Variants in KIF1C observed in about 807,000 individuals in gnomAD.
The protein encoded by KIF1C is kinesin family member 1C.
In KIF1C, 61 loss-of-function variants were observed where a neutral mutation model predicts 126.5. The ratio of observed to expected loss-of-function variants is 0.48; its 90% CI spans 0.39 to 0.60. The LOEUF (loss-of-function observed/expected upper bound fraction) is 0.60. Among genes scored for constraint, KIF1C ranks in the 20% least tolerant of loss-of-function variants. The pLI is 0.00. For synonymous variants in KIF1C, 640 were observed against 580.6 expected, an observed-to-expected ratio of 1.10 and a Z score of -1.47; for missense variants, 1,315 against 1,489.2, an observed-to-expected ratio of 0.88 and a Z score of 1.93.
rs58961639 is a variant in KIF1C, at chr17:5,015,582, C to CTTTTTTTT, written c.1666+764_1666+771dup. 4.4e-4 allele frequency among the ~76,000 whole-genome samples: 31 copies of CTTTTTTTT among 71,248 alleles called. 2 individuals are homozygous for CTTTTTTTT. Among genetic ancestry groups the CTTTTTTTT allele is most frequent in the East Asian group, 9.2e-4 (2 of 2,182 alleles). The allele number at this position is 71,248 out of a possible 152,430, so 46.7% of individuals were successfully genotyped here. Reference sequence around the variant, plus strand: ...TACAGGCGTGAGCCACTGCCCCCAGCTTTTTTTTTTTTTTTTTTTTTTTTT... The same window carrying CTTTTTTTT: ...TACAGGCGTGAGCCACTGCCCCCAGCTTTTTTTTTTTTTTTTTTTTTTTTTTTTTTTTT... On this transcript the variant is annotated intron_variant, in intron 18 of 22. Transcript: ENST00000320785.
At chr17:5,007,188 C>T (rs1003033585) in intron 14 of KIF1C, 75 bp from the exon 15 acceptor site, 42 of 1,569,932 alleles carry the variant, frequency 2.7e-5, no homozygotes, top group Non-Finnish European at 3.6e-5. Context: ...GTAGCATGGC[C>T]CCAGGGTAGG....
chr17:5,003,580 C>T (rs759249873), intron 8 of KIF1C, 32 bp from the exon 9 acceptor site: 2 of 1,548,258 alleles, frequency 1.3e-6, no homozygotes, highest in Non-Finnish European at 1.8e-6. Context: ...CCCACCCGCA[C>T]CTTATCTCCT....
In KIF1C at chr17:5,003,990, T is replaced by TC; in HGVS notation, c.865-3dup. On this transcript the variant is annotated splice_polypyrimidine_tract_variant and splice_region_variant and intron_variant, in intron 10 of 22. Transcript: ENST00000320785. ...CACCCTAACCTCCTTCCTCCTTTTA[T>TC]CCCCCAGCAATCAAAGAAGCGAAAG... 6.2e-7 allele frequency: 1 copy of TC among 1,613,612 alleles called. No individual in the cohort carries two copies. Among genetic ancestry groups the TC allele is most frequent in the South Asian group, 1.1e-5 (1 of 91,070 alleles).
chr17:5,012,079 T>A (rs1402219293), intron 16 of KIF1C: 3 of 152,188 alleles, frequency 2.0e-5, no homozygotes, highest in Non-Finnish European at 4.4e-5. Flanking sequence ...CAGAAACTCC[T>A]CCATGAGGCA....
At chr17:5,003,385 G>A (rs1196983468) in intron 8 of KIF1C, among the ~76,000 whole-genome samples, 1 of 152,132 alleles carries the variant, frequency 6.6e-6, no homozygotes, top group Non-Finnish European at 1.5e-5. Context: ...GATCCCCTGT[G>A]TGTCCCTTGT....
intron 16 of KIF1C, among the ~76,000 whole-genome samples, chr17:5,010,472 G>A (rs901287705): frequency 1.3e-5 from 2 of 152,036 alleles, no homozygotes; most frequent in African/African-American, 2.4e-5. Context: ...ATCTAGGCCG[G>A]GTGCGGTGGC....
chr17:5,019,216 T>G (rs1485625551), intron 18 of KIF1C: 1 of 167,676 alleles, frequency 6.0e-6, no homozygotes, highest in Non-Finnish European at 1.5e-5. Context: ...AACACATGTT[T>G]GCATGTTATT....
chr17:5,023,601 G>C lies in KIF1C; in HGVS notation c.2762G>C (p.Trp921Ser). ...CCCCCCTCGCCACCACTGTCAAGCTGGGAGCGGGTGTCACGGCTCATGGAG... is the reference window on the plus strand; with the variant it reads ...CCCCCCTCGCCACCACTGTCAAGCTCGGAGCGGGTGTCACGGCTCATGGAG... ...ARPPSPPLSS[W>S]ERVSRLMEED... Residue 921 changes from tryptophan to serine, a missense_variant, in exon 23 of 23, where the codon TGG becomes TCG. Transcript: ENST00000320785. The surrounding 1 kb of genome is among the most constrained non-coding windows in gnomAD (Gnocchi z 4.2). 1 of 1,613,724 alleles carries C rather than the reference G, an allele frequency of 6.2e-7. No individual in the cohort carries two copies. The highest frequency in any genetic ancestry group is 8.5e-7 in the Non-Finnish European group (1 of 1,179,926).
chr17:5,014,893 C>A, intron 18 of KIF1C, 56 bp downstream of exon 18: 2 of 1,395,354 alleles, frequency 1.4e-6, no homozygotes, highest in Non-Finnish European at 9.9e-7. Flanking sequence ...CATGTTCCAC[C>A]CCACACACTG....
chr17:5,001,594 G>A (rs1343791845), intron 5 of KIF1C, among the ~76,000 whole-genome samples, 193 bp downstream of exon 5: 1 of 151,812 alleles, frequency 6.6e-6, no homozygotes, highest in African/African-American at 2.4e-5. Flanking sequence ...CAGAGGCAAC[G>A]AGCCTCAGTG....
intron 5 of KIF1C, 109 bp downstream of exon 5, chr17:5,001,510 G>C: frequency 8.9e-7 from 1 of 1,118,426 alleles, no homozygotes; most frequent in South Asian, 1.5e-5. Flanking sequence ...TGGCTCTGAG[G>C]CCATTGGTGA....
At chr17:5,021,222 G>C (rs905286202) in intron 21 of KIF1C, among the ~76,000 whole-genome samples, 14 of 139,686 alleles carry the variant, frequency 1.0e-4, no homozygotes, top group African/African-American at 2.9e-4. Context: ...ACCCAGGCTG[G>C]AACGCAGTGG....
At position 4,998,071 on chromosome 17, in the gene KIF1C, C is replaced by G. The variant is rs1164430349; in HGVS notation, c.-234C>G. 1 of 151,424 alleles carries G rather than the reference C, an allele frequency of 6.6e-6. No individual in the cohort carries two copies. The highest frequency in any genetic ancestry group is 6.6e-5 in the Admixed American group (1 of 15,238). The allele number at this position is 151,424 out of a possible 1,614,324, so 9.4% of individuals were successfully genotyped here. On this transcript the variant is annotated 5_prime_UTR_variant, in exon 1 of 23. Transcript: ENST00000320785. ...GGGGCGGGGGCAGCTCCGAACCGGCCCCAGATCCTTCCCGCTTCCGCCTCA... is the reference window on the plus strand; with the variant it reads ...GGGGCGGGGGCAGCTCCGAACCGGCGCCAGATCCTTCCCGCTTCCGCCTCA...
At chr17:5,003,969 C>G (rs1383524520) in intron 10 of KIF1C, 29 bp from the exon 11 acceptor site, 1 of 1,611,770 alleles carries the variant, frequency 6.2e-7, no homozygotes. Flanking sequence ...GTGACCCACC[C>G]TAACCTCCTT....
In KIF1C at chr17:5,004,616, C is replaced by T. The variant is rs759589652; in HGVS notation, c.990C>T (p.Ile330=). 14 of 1,614,054 alleles carry T rather than the reference C, an allele frequency of 8.7e-6. No homozygotes were observed. In the Admixed American group the frequency reaches 2.3e-4, roughly 27 times the overall value. ...TTGCAGCCCTGAGCCCTGCTGACAT[C>T]AATTACGAGGAGACTCTCAGCACCC... is the stretch of plus-strand genomic sequence containing the variant. ...AMIAALSPAD[I]NYEETLSTLR... is the part of the protein sequence containing the mutation. The change falls in exon 12 of 23, where the codon ATC becomes ATT. Residue 330 remains isoleucine (I), a synonymous_variant. Coordinates refer to ENST00000320785, the MANE Select transcript of KIF1C (RefSeq NM_006612.6).
chr17:5,023,657 C>T lies in KIF1C; in HGVS notation c.2818C>T (p.Arg940Cys), dbSNP rs771587184. 18 of 1,611,650 alleles carry T rather than the reference C, an allele frequency of 1.1e-5. No individual in the cohort carries two copies. The highest frequency in any genetic ancestry group is 6.8e-6 in the Non-Finnish European group (8 of 1,178,848). ...EDPAFRRGRL[R>C]WLKQEQLRLQ... The stretch of plus-strand genomic sequence containing the variant: ...CCCTGCCTTCCGTCGTGGTCGTCTT[C>T]GCTGGCTCAAGCAGGAGCAGCTACG... Residue 940 changes from arginine (R) to cysteine (C), a missense_variant, in exon 23 of 23, where the codon CGC becomes TGC. This residue lies in a region of KIF1C where 441 missense variants were observed against 436.1 expected (regional missense o/e 1.01). Coordinates refer to ENST00000320785, the MANE Select transcript of KIF1C (RefSeq NM_006612.6). This position sits in a 1 kb window ranked among gnomAD's most constrained non-coding sequence, Gnocchi z 4.2.
At chr17:5,013,328 G>A (rs1409399705) in intron 16 of KIF1C, among the ~76,000 whole-genome samples, 7 of 152,146 alleles carry the variant, frequency 4.6e-5, no homozygotes, top group East Asian at 1.9e-4. Flanking sequence ...GGGTCGAGGT[G>A]CTTCTGAAGA....
intron 17 of KIF1C, among the ~76,000 whole-genome samples, chr17:5,014,467 T>C (rs563433687): frequency 2.6e-4 from 39 of 152,016 alleles, no homozygotes; most frequent in Non-Finnish European, 5.1e-4. Context: ...CCCTGCATGC[T>C]CTCCCAGCTT....
intron 11 of KIF1C, 55 bp from the exon 12 acceptor site, chr17:5,004,512 T>C: frequency 6.5e-7 from 1 of 1,543,740 alleles, no homozygotes; most frequent in Non-Finnish European, 9.0e-7. Flanking sequence ...TGACCCGGTC[T>C]GACTTTGCTT....
Sources: allele counts gnomAD v4.1 joint callset (sites outside exome capture counted in the v4.1 genomes callset), GRCh38; gene constraint gnomAD v4.1.1; regional missense constraint gnomAD v4.1.1; non-coding constraint Gnocchi (gnomAD v3.1); transcripts MANE v1.5; gene names NCBI Gene and HGNC (gene_info 2026-07-23, HGNC 2026-07-21).